The following SIPA1L2 variants were observed in gnomAD, a reference collection of about 807,000 sequenced individuals.
SIPA1L2 encodes the protein signal-induced proliferation-associated 1-like protein 2.
A neutral mutation model predicts 163.9 loss-of-function variants in SIPA1L2; 56 were observed. The ratio of observed to expected loss-of-function variants is 0.34; its 90% CI spans 0.28 to 0.43. The LOEUF is 0.43. SIPA1L2 is among the 20% of genes least tolerant of loss of function. The pLI is 1.00. For synonymous variants in SIPA1L2, 877 were observed against 865.7 expected (o/e 1.01, Z -0.23); for missense variants, 1,974 against 2,193.5 (o/e 0.90, Z 2.00).
intron 2 of SIPA1L2, among the ~76,000 whole-genome samples, chr1:232,544,702 T>G (rs1657921303): frequency 6.6e-6 from 1 of 152,216 alleles, no homozygotes; most frequent in Admixed American, 6.5e-5. Flanking sequence ...GAAGGTTGCT[T>G]GGAACATCCC....
At chr1:232,541,164 G>T (rs922482003) in intron 2 of SIPA1L2, among the ~76,000 whole-genome samples, 1 of 151,980 alleles carries the variant, frequency 6.6e-6, no homozygotes, top group Non-Finnish European at 1.5e-5. Context: ...CTAGGTGATG[G>T]GTTGATAGGT....
At chr1:232,534,210 G>A (rs925681601) in intron 2 of SIPA1L2, among the ~76,000 whole-genome samples, 1 of 152,140 alleles carries the variant, frequency 6.6e-6, no homozygotes, top group African/African-American at 2.4e-5. Flanking sequence ...CAATGGAATA[G>A]AAGAGAGATC....
At chr1:232,487,947 C>CAA (rs1477864176) in intron 5 of SIPA1L2, among the ~76,000 whole-genome samples, 2 of 151,592 alleles carry the variant, frequency 1.3e-5, no homozygotes, top group African/African-American at 4.9e-5. Flanking sequence ...CACACACACA[C>CAA]ACACACACGC....
At chr1:232,431,513 C>T (rs541907912) in intron 16 of SIPA1L2, among the ~76,000 whole-genome samples, 15 of 152,186 alleles carry the variant, frequency 9.9e-5, no homozygotes, top group Non-Finnish European at 2.2e-4. Context: ...GTGCAAGCCA[C>T]GCTCAGCACC....
At chr1:232,528,020 G>A (rs1407549851) in intron 2 of SIPA1L2, among the ~76,000 whole-genome samples, 2 of 147,732 alleles carry the variant, frequency 1.4e-5, no homozygotes, top group East Asian at 4.0e-4. Flanking sequence ...TCACAACTCT[G>A]AGACAAACAG....
At chr1:232,498,396 T>C (rs923541797) in intron 3 of SIPA1L2, among the ~76,000 whole-genome samples, 2 of 152,196 alleles carry the variant, frequency 1.3e-5, no homozygotes, top group African/African-American at 4.8e-5. Context: ...CTTATATATC[T>C]ATTGGAACTT....
chr1:232,409,414 G>C (rs1406859000), intron 19 of SIPA1L2, among the ~76,000 whole-genome samples: 5 of 152,152 alleles, frequency 3.3e-5, no homozygotes. Context: ...ACAGTGGAAA[G>C]CTGTCTCCAA....
chr1:232,455,844 C>G (rs1043178742), intron 10 of SIPA1L2, among the ~76,000 whole-genome samples: 2 of 152,006 alleles, frequency 1.3e-5, no homozygotes, highest in Admixed American at 1.3e-4. Context: ...CAAATTAACA[C>G]GGCAACAGAA....
chr1:232,584,951 G>T (rs1660578290), intron 1 of SIPA1L2, among the ~76,000 whole-genome samples: 1 of 152,208 alleles, frequency 6.6e-6, no homozygotes, highest in Non-Finnish European at 1.5e-5. Context: ...AGGAAGTATT[G>T]TGGCTGATTT....
Position 232,404,242 on chromosome 1 carries a change from G to C in SIPA1L2, c.4763-64C>G. The C allele has an allele frequency of 2.0e-6, 3 of 1,515,984 alleles. No individual in the cohort carries two copies. The Middle Eastern group carries it at 5.1e-4, about 257-fold the overall frequency. The allele number at this position is 1,515,984 out of a possible 1,614,324, so 93.9% of individuals were successfully genotyped here. A position where few individuals can be genotyped will look rare whatever the true frequency, so the allele number is the denominator to read the frequency against. ...TCTCTCTATACTTGAGAATCTCGGG[G>C]GCCCACAAAATGCGGCTGTGTGAAG... On this transcript the variant is annotated intron_variant, in intron 19 of 22. Transcript: ENST00000674635.
intron 2 of SIPA1L2, among the ~76,000 whole-genome samples, chr1:232,521,499 T>G (rs926901647): frequency 3.3e-5 from 5 of 152,208 alleles, no homozygotes; most frequent in Non-Finnish European, 7.4e-5. Flanking sequence ...AATGGAGCTC[T>G]TGGGTGACTC....
chr1:232,493,733 T>C (rs1666044263), intron 3 of SIPA1L2, 73 bp from the exon 4 acceptor site: 2 of 1,560,256 alleles, frequency 1.3e-6, no homozygotes, highest in South Asian at 1.2e-5. Flanking sequence ...ATCTCTCAGT[T>C]TGTGTATCAA....
At chr1:232,534,984 A>G (rs1040222520) in intron 2 of SIPA1L2, among the ~76,000 whole-genome samples, 7 of 152,182 alleles carry the variant, frequency 4.6e-5, no homozygotes, top group African/African-American at 1.7e-4. Flanking sequence ...TATACTCACA[A>G]TCTAAAATGG....
At chr1:232,444,048 AT>A (rs980439479) in intron 11 of SIPA1L2, among the ~76,000 whole-genome samples, 3 of 152,248 alleles carry the variant, frequency 2.0e-5, no homozygotes, top group Non-Finnish European at 4.4e-5. Context: ...ATTATGTGAA[AT>A]TTAAAACAAG....
At chr1:232,503,850 C>T (rs1289122305) in intron 3 of SIPA1L2, among the ~76,000 whole-genome samples, 2 of 151,736 alleles carry the variant, frequency 1.3e-5, no homozygotes, top group African/African-American at 4.8e-5. Context: ...TCCCTTTTTT[C>T]GAACACTCTA....
intron 1 of SIPA1L2, among the ~76,000 whole-genome samples, chr1:232,595,174 T>C (rs905657845): frequency 2.0e-5 from 3 of 152,314 alleles, no homozygotes; most frequent in African/African-American, 7.2e-5. Flanking sequence ...GTTGAAATCA[T>C]TGGTCCACTG....
At chr1:232,487,888 G>C (rs993396403) in intron 5 of SIPA1L2, among the ~76,000 whole-genome samples, 1 of 151,120 alleles carries the variant, frequency 6.6e-6, no homozygotes, top group African/African-American at 2.4e-5. Context: ...AACTACAAAA[G>C]AGCGGAAACT....
chr1:232,606,592 T>C (rs1253768026), intron 1 of SIPA1L2, among the ~76,000 whole-genome samples: 1 of 150,282 alleles, frequency 6.7e-6, no homozygotes, highest in African/African-American at 2.4e-5. Context: ...CAAGTCATTC[T>C]GGGCCTTACC....
intron 1 of SIPA1L2, among the ~76,000 whole-genome samples, chr1:232,617,358 C>A (rs1293593829): frequency 6.6e-6 from 1 of 152,106 alleles, no homozygotes; most frequent in Non-Finnish European, 1.5e-5. Context: ...GAAAATCACA[C>A]CCCTGTAAGG....
Sources: gnomAD v4.1 joint callset for allele counts (sites outside exome capture counted in the v4.1 genomes callset) on GRCh38, gnomAD v4.1.1 for gene constraint, MANE v1.5 for transcripts, NCBI Gene and HGNC (gene_info 2026-07-23, HGNC 2026-07-21) for gene names.